RBFOX1: variants seen among roughly 807,000 people sequenced by gnomAD.
The protein encoded by RBFOX1 is RNA binding protein fox-1 homolog 1.
In RBFOX1, 8 loss-of-function variants were observed where a neutral mutation model predicts 57.7. That is an observed-to-expected ratio of 0.14 (90% CI 0.08 to 0.25). The LOEUF is 0.25. Among genes scored for constraint, RBFOX1 ranks in the 10% least tolerant of loss-of-function variants. The pLI, the probability that RBFOX1 is intolerant of heterozygous loss-of-function variation, is 1.00. For synonymous variants in RBFOX1, 326 were observed against 222.4 expected, an observed-to-expected ratio of 1.47 and a Z score of -4.15; for missense variants, 611 against 548.5, an observed-to-expected ratio of 1.11 and a Z score of -1.14.
At chr16:7,391,241 C>G (rs1052192788) in intron 4 of RBFOX1, among the ~76,000 whole-genome samples, 12 of 152,160 alleles carry the variant, frequency 7.9e-5, no homozygotes, top group African/African-American at 2.9e-4. Context: ...TTTTCTAGGC[C>G]AGTCTCTTTT....
At chr16:6,365,074 C>T (rs750746915) in intron 2 of RBFOX1, among the ~76,000 whole-genome samples, 5 of 143,188 alleles carry the variant, frequency 3.5e-5, no homozygotes, top group Admixed American at 2.8e-4. Context: ...AACTGATGAG[C>T]CCAAAATGGG....
intron 1 of RBFOX1, among the ~76,000 whole-genome samples, chr16:6,134,157 G>T (rs186635212): frequency 2.9e-4 from 44 of 152,084 alleles, no homozygotes; most frequent in African/African-American, 1.0e-3. Context: ...GGCTGGTCTC[G>T]AACTCCTGAC....
intron 3 of RBFOX1, among the ~76,000 whole-genome samples, chr16:7,032,022 A>G (rs2153692930): frequency 6.6e-6 from 1 of 152,326 alleles, no homozygotes; most frequent in South Asian, 2.1e-4. Context: ...CACATCTGGG[A>G]AAGAAAGTCG....
chr16:6,186,069 G>C (rs1397650506), intron 1 of RBFOX1, among the ~76,000 whole-genome samples: 1 of 152,158 alleles, frequency 6.6e-6, no homozygotes, highest in Non-Finnish European at 1.5e-5. Context: ...GGATTGTCCA[G>C]AGGATTTGAA....
intron 3 of RBFOX1, among the ~76,000 whole-genome samples, chr16:6,746,744 G>C (rs913699921): frequency 5.3e-5 from 8 of 151,958 alleles, no homozygotes; most frequent in African/African-American, 1.9e-4. Context: ...AGTTTACATA[G>C]GGCAGAAAAG....
At chr16:7,248,638 T>C (rs1245376212) in intron 4 of RBFOX1, among the ~76,000 whole-genome samples, 1 of 152,182 alleles carries the variant, frequency 6.6e-6, no homozygotes, top group Non-Finnish European at 1.5e-5. Context: ...CCTTCCTTTT[T>C]ATAAAACACT....
At chr16:6,187,924 G>A (rs967969397) in intron 1 of RBFOX1, among the ~76,000 whole-genome samples, 3 of 152,132 alleles carry the variant, frequency 2.0e-5, no homozygotes, top group Non-Finnish European at 2.9e-5. Flanking sequence ...ACATGTGCGT[G>A]CATATGTGTG....
intron 3 of RBFOX1, among the ~76,000 whole-genome samples, chr16:5,778,237 GACCTAAC>G (rs1206829978): frequency 6.6e-6 from 1 of 152,172 alleles, no homozygotes; most frequent in Non-Finnish European, 1.5e-5. Flanking sequence ...CATGTGTGGA[GACCTAAC>G]ATTTCAAGGC....
chr16:7,655,331 G>T (rs1177621507), intron 12 of RBFOX1, among the ~76,000 whole-genome samples: 2 of 152,086 alleles, frequency 1.3e-5, no homozygotes, highest in Non-Finnish European at 1.5e-5. Context: ...ATTTGAATTG[G>T]GTCAACTTTG....
At chr16:6,521,488 C>G (rs2096496643) in intron 2 of RBFOX1, among the ~76,000 whole-genome samples, 1 of 143,822 alleles carries the variant, frequency 7.0e-6, no homozygotes, top group South Asian at 2.4e-4. Context: ...CCTCTCCCCT[C>G]TCCTCCCGTT....
At chr16:6,093,663 C>G (rs777230402) in intron 1 of RBFOX1, among the ~76,000 whole-genome samples, 7 of 151,968 alleles carry the variant, frequency 4.6e-5, no homozygotes, top group Non-Finnish European at 8.8e-5. Context: ...ACTCTGTCAC[C>G]CAGGCTAGAG....
chr16:6,629,821 T>C (rs1421316749), intron 2 of RBFOX1, among the ~76,000 whole-genome samples: 1 of 152,220 alleles, frequency 6.6e-6, no homozygotes, highest in Non-Finnish European at 1.5e-5. Flanking sequence ...AAGATCCTTT[T>C]AATCAGACGT....
intron 3 of RBFOX1, among the ~76,000 whole-genome samples, chr16:6,750,597 C>T (rs1039428859): frequency 7.2e-5 from 11 of 152,124 alleles, no homozygotes; most frequent in Non-Finnish European, 1.6e-4. Context: ...TGTTCATCAC[C>T]ATCAGAGATA....
chr16:6,292,693 A>C (rs2077594563), intron 1 of RBFOX1, among the ~76,000 whole-genome samples: 1 of 152,220 alleles, frequency 6.6e-6, no homozygotes, highest in Admixed American at 6.5e-5. Flanking sequence ...ATATTTGCAC[A>C]CATTGTCAAA....
intron 2 of RBFOX1, among the ~76,000 whole-genome samples, chr16:6,632,810 A>T (rs1567965642): frequency 6.6e-6 from 1 of 152,194 alleles, no homozygotes; most frequent in African/African-American, 2.4e-5. Context: ...TCTTCTTTTC[A>T]TTATATTTGC....
chr16:5,881,710 G>A (rs1230352523), intron 4 of RBFOX1, among the ~76,000 whole-genome samples: 3 of 151,906 alleles, frequency 2.0e-5, no homozygotes, highest in Non-Finnish European at 4.4e-5. Context: ...AAAAGATCAG[G>A]GATTAATAAA....
chr16:5,346,523 G>A (rs1344413455), intron 1 of RBFOX1, among the ~76,000 whole-genome samples: 1 of 152,172 alleles, frequency 6.6e-6, no homozygotes, highest in East Asian at 1.9e-4. Context: ...AGAGCAAAAG[G>A]CTGGGTAATA....
intron 3 of RBFOX1, among the ~76,000 whole-genome samples, chr16:7,015,663 A>G (rs1486772607): frequency 3.3e-5 from 5 of 152,168 alleles, no homozygotes; most frequent in Non-Finnish European, 7.3e-5. Flanking sequence ...TGAGCAAACA[A>G]GAAGTATTTG....
In RBFOX1 at chr16:5,719,167, G is replaced by C. The variant is rs538229456; in HGVS notation, c.318+120206G>C. On this transcript the variant is annotated intron_variant, in intron 3 of 19. Coordinates refer to the RBFOX1 transcript ENST00000641259. ...CCAATAGGCTTAGCGTATCTACGGA[G>C]TTGGAAGGCTGCCACCCATACTTCA... Among the ~76,000 whole-genome samples the C allele has an allele frequency of 1.7e-3, 258 of 150,938 alleles. 2 individuals are homozygous for C. The highest frequency in any genetic ancestry group is 5.8e-3 in the African/African-American group (237 of 41,178).
Sources: gnomAD v4.1 joint callset for allele counts (sites outside exome capture counted in the v4.1 genomes callset) on GRCh38, gnomAD v4.1.1 for gene constraint, MANE v1.5 for transcripts, NCBI Gene and HGNC (gene_info 2026-07-23, HGNC 2026-07-21) for gene names.